The following ST8SIA2 variants were observed in gnomAD, a reference collection of about 807,000 sequenced individuals.
ST8SIA2 encodes the protein ST8 alpha-N-acetyl-neuraminide alpha-2,8-sialyltransferase 2, also known as alpha-2,8-sialyltransferase 8B.
In ST8SIA2, 22 loss-of-function variants were observed where a neutral mutation model predicts 37.6. That is an observed-to-expected ratio of 0.58 (90% CI 0.42 to 0.83). The LOEUF (loss-of-function observed/expected upper bound fraction) is 0.83, where lower values mean the gene tolerates loss of function less well. ST8SIA2 is among the 40% of genes least tolerant of loss of function. The pLI is 0.00. For synonymous variants in ST8SIA2, 205 were observed against 201.2 expected (o/e 1.02, Z -0.16); for missense variants, 382 against 484.7 (o/e 0.79, Z 1.99).
chr15:92,421,767 C>T (rs183997837), intron 1 of ST8SIA2, among the ~76,000 whole-genome samples: 4 of 152,314 alleles, frequency 2.6e-5, no homozygotes, highest in African/African-American at 9.6e-5. Context: ...TCAGGTATCA[C>T]ATTCTGGTGT....
chr15:92,440,691 C>T (rs1302544123), intron 4 of ST8SIA2, among the ~76,000 whole-genome samples: 1 of 152,128 alleles, frequency 6.6e-6, no homozygotes, highest in African/African-American at 2.4e-5. Flanking sequence ...GGATACGATA[C>T]CCAGCAGTGG....
At chr15:92,398,862 A>G (rs1240860570) in intron 1 of ST8SIA2, among the ~76,000 whole-genome samples, 1 of 152,130 alleles carries the variant, frequency 6.6e-6, no homozygotes, top group Non-Finnish European at 1.5e-5. Flanking sequence ...CTGAAGACCA[A>G]CTCATCCCCA....
chr15:92,447,445 G>T (rs992352727), intron 5 of ST8SIA2, among the ~76,000 whole-genome samples: 3 of 152,146 alleles, frequency 2.0e-5, no homozygotes, highest in Non-Finnish European at 2.9e-5. Context: ...TCCCAGCTTG[G>T]GGTCAGGCCC....
Position 92,467,109 on chromosome 15 carries a change from G to T in ST8SIA2, c.*2724G>T, listed in dbSNP as rs1190444081. 6.5e-6 allele frequency: 1 copy of T among 152,964 alleles called. No individual in the cohort carries two copies. The highest frequency in any genetic ancestry group is 2.4e-5 in the African/African-American group (1 of 41,420). 9.5% of individuals were successfully genotyped at this position (152,964 alleles called of 1,614,324 possible). On this transcript the variant is annotated 3_prime_UTR_variant, in exon 6 of 6. Transcript: ENST00000268164. ...CCTGCCCGCCATCAGCCACCCGAGT[G>T]GTTCCGACCTCCATTCACCTCAAGC... is the stretch of plus-strand genomic sequence containing the variant.
chr15:92,454,116 C>T (rs1428885066), intron 5 of ST8SIA2, among the ~76,000 whole-genome samples: 1 of 152,186 alleles, frequency 6.6e-6, no homozygotes, highest in Non-Finnish European at 1.5e-5. Context: ...GTAACAGCGT[C>T]TCACAGACTG....
chr15:92,435,029 G>A (rs1180334831), intron 3 of ST8SIA2, among the ~76,000 whole-genome samples: 2 of 152,178 alleles, frequency 1.3e-5, no homozygotes, highest in Non-Finnish European at 2.9e-5. Flanking sequence ...TTACAACTTC[G>A]GCATTTTGGA....
chr15:92,405,534 A>T (rs1244888027), intron 1 of ST8SIA2, among the ~76,000 whole-genome samples: 1 of 151,814 alleles, frequency 6.6e-6, no homozygotes, highest in East Asian at 1.9e-4. Context: ...CAGCCAGAAG[A>T]GTGCCTGGCA....
chr15:92,442,479 T>A (rs2049810259), intron 4 of ST8SIA2, among the ~76,000 whole-genome samples: 1 of 152,048 alleles, frequency 6.6e-6, no homozygotes, highest in Non-Finnish European at 1.5e-5. Flanking sequence ...TCCTTGCCTC[T>A]TTCACAGCCC....
intron 1 of ST8SIA2, among the ~76,000 whole-genome samples, chr15:92,419,615 G>A (rs1002635638): frequency 2.0e-5 from 3 of 152,182 alleles, no homozygotes; most frequent in African/African-American, 4.8e-5. Context: ...GGACGCCGAG[G>A]CAGGGTGAGA....
intron 1 of ST8SIA2, among the ~76,000 whole-genome samples, chr15:92,394,746 C>G (rs1056944622): frequency 1.3e-5 from 2 of 152,170 alleles, no homozygotes; most frequent in African/African-American, 4.8e-5. Flanking sequence ...GGAGCTGGCA[C>G]CACTAGAGAA....
At chr15:92,448,948 T>G (rs898589404) in intron 5 of ST8SIA2, among the ~76,000 whole-genome samples, 1 of 150,596 alleles carries the variant, frequency 6.6e-6, no homozygotes, top group Non-Finnish European at 1.5e-5. Flanking sequence ...TGGGGGGGGG[T>G]GTGAATGAAC....
intron 5 of ST8SIA2, among the ~76,000 whole-genome samples, chr15:92,462,217 C>A (rs938298827): frequency 2.6e-5 from 4 of 152,132 alleles, no homozygotes; most frequent in African/African-American, 9.7e-5. Context: ...TCACCCCAGC[C>A]CCATAGTCGG....
rs200096551 is a variant in ST8SIA2 at position 92,437,349 on chromosome 15, CTG to C, written c.291-998_291-997del. On this transcript the variant is annotated intron_variant, in intron 3 of 5. Coordinates refer to ENST00000268164, the MANE Select transcript of ST8SIA2 (RefSeq NM_006011.4). ...GATTTTCAGGTTCCTTGGCAGAAGG[CTG>C]TGTGTTTCAGGTAAAGCTTTTCTGG... Among the ~76,000 whole-genome samples the C allele has an allele frequency of 2.8e-4, 43 of 152,286 alleles. No homozygotes were observed. The East Asian group carries it at 7.3e-3, about 26-fold the overall frequency.
At chr15:92,452,859 A>T (rs1308118190) in intron 5 of ST8SIA2, among the ~76,000 whole-genome samples, 3 of 152,208 alleles carry the variant, frequency 2.0e-5, no homozygotes, top group African/African-American at 7.2e-5. Context: ...AGAAATGCAA[A>T]GTAAATTGCC....
At chr15:92,461,663 G>A (rs2141852972) in intron 5 of ST8SIA2, among the ~76,000 whole-genome samples, 1 of 152,342 alleles carries the variant, frequency 6.6e-6, no homozygotes, top group South Asian at 2.1e-4. Flanking sequence ...TTCTGGGGAG[G>A]GTGCAAGTGT....
chr15:92,407,718 T>C (rs565046284), intron 1 of ST8SIA2, among the ~76,000 whole-genome samples: 1 of 152,290 alleles, frequency 6.6e-6, no homozygotes, highest in Non-Finnish European at 1.5e-5. Flanking sequence ...TTAAAACCAA[T>C]CTGCTCTTCC....
chr15:92,431,190 G>C (rs540466586), intron 2 of ST8SIA2, among the ~76,000 whole-genome samples: 5 of 152,100 alleles, frequency 3.3e-5, no homozygotes, highest in Admixed American at 2.6e-4. Context: ...GCCCCATTTC[G>C]GAGAAAGAAG....
chr15:92,420,292 A>AAGTT (rs2049623738), intron 1 of ST8SIA2, among the ~76,000 whole-genome samples: 1 of 152,076 alleles, frequency 6.6e-6, no homozygotes, highest in Non-Finnish European at 1.5e-5. Flanking sequence ...CTTGGATGAT[A>AAGTT]AGTTATATTG....
chr15:92,419,160 C>G (rs1049982824), intron 1 of ST8SIA2, among the ~76,000 whole-genome samples: 1 of 152,138 alleles, frequency 6.6e-6, no homozygotes, highest in South Asian at 2.1e-4. Flanking sequence ...AACACCGATG[C>G]GGTTCCAGCC....
Sources: allele counts gnomAD v4.1 joint callset (sites outside exome capture counted in the v4.1 genomes callset), GRCh38; gene constraint gnomAD v4.1.1; transcripts MANE v1.5; gene names NCBI Gene and HGNC (gene_info 2026-07-23, HGNC 2026-07-21).